NEDD1: variants seen among roughly 807,000 people sequenced by gnomAD.
NEDD1 encodes the protein protein NEDD1.
NEDD1 carries 33 observed loss-of-function variants against 74.0 expected under a neutral mutation model. The ratio of observed to expected loss-of-function variants is 0.45; its 90% confidence interval spans 0.34 to 0.60. The LOEUF (loss-of-function observed/expected upper bound fraction) is 0.60. Ranked by LOEUF, NEDD1 falls within the 20% of genes least tolerant of loss-of-function variation. The pLI is 0.01. For synonymous variants in NEDD1, 250 were observed against 264.4 expected (o/e 0.95, Z 0.53); for missense variants, 746 against 776.5 (o/e 0.96, Z 0.47).
intron 6 of NEDD1, among the ~76,000 whole-genome samples, chr12:96,921,450 G>A (rs1875081154): frequency 6.6e-6 from 1 of 152,102 alleles, no homozygotes; most frequent in African/African-American, 2.4e-5. Context: ...CAAAGTGTTA[G>A]GATTACAGGT....
At chr12:96,920,845 T>C (rs1450507495) in intron 6 of NEDD1, among the ~76,000 whole-genome samples, 1 of 152,206 alleles carries the variant, frequency 6.6e-6, no homozygotes, top group Non-Finnish European at 1.5e-5. Context: ...TTTTGGGAAG[T>C]AGTTTTTTTA....
intron 4 of NEDD1, among the ~76,000 whole-genome samples, chr12:96,917,061 A>G (rs1874540237): frequency 6.6e-6 from 1 of 152,118 alleles, no homozygotes; most frequent in Admixed American, 6.5e-5. Flanking sequence ...AGAGATGGGG[A>G]ACAGTTGAAG....
chr12:96,917,994 T>C (rs2136525345), intron 5 of NEDD1, among the ~76,000 whole-genome samples: 1 of 152,292 alleles, frequency 6.6e-6, no homozygotes, highest in East Asian at 1.9e-4. Context: ...TACTCTTATT[T>C]GAATGAACCA....
At chr12:96,943,869 C>A in intron 12 of NEDD1, 107 bp downstream of exon 12, 2 of 654,122 alleles carry the variant, frequency 3.1e-6, no homozygotes, top group Non-Finnish European at 5.3e-6. Context: ...TGCACTTATT[C>A]ATAAGTCTTG....
chr12:96,935,060 G>A lies in NEDD1; in HGVS notation c.574G>A (p.Val192Ile). Residue 192 changes from valine to isoleucine, a missense_variant, in exon 7 of 16, where the codon GTA becomes ATA. Around this residue, in one of 3 missense-constraint regions of NEDD1, gnomAD observed 706 missense variants for 706.7 expected, o/e 1.00. Coordinates refer to ENST00000266742, the MANE Select transcript of NEDD1 (RefSeq NM_152905.4). ...TAATGGAATAGTAACTCTCTGGGAT[G>A]TAAATAGTCAGAGTCCATACCATAA... ...SDNGIVTLWDVNSQSPYHNFD... is the reference protein window; with the variant it reads ...SDNGIVTLWDINSQSPYHNFD... 3 of 1,610,976 alleles carry A rather than the reference G, an allele frequency of 1.9e-6. No homozygotes were observed. The highest frequency in any genetic ancestry group is 2.2e-5 in the South Asian group (2 of 91,006).
chr12:96,928,547 C>G (rs970793920), intron 6 of NEDD1, among the ~76,000 whole-genome samples: 1 of 151,776 alleles, frequency 6.6e-6, no homozygotes, highest in African/African-American at 2.4e-5. Context: ...TTTTGAAACC[C>G]TTTTAAGTCA....
In NEDD1 at chr12:96,940,483, T is replaced by C. The variant is rs764013387; in HGVS notation, c.1192T>C (p.Phe398Leu). The C allele has an allele frequency of 1.2e-6, 2 of 1,606,682 alleles. No individual in the cohort carries two copies. Among genetic ancestry groups the C allele is most frequent in the South Asian group, 2.2e-5 (2 of 90,642 alleles). ...DSGKNQDFSS[F>L]DDTGKSSLGD... The stretch of plus-strand genomic sequence containing the variant: ...TGGAAAAAATCAGGATTTCTCCAGC[T>C]TTGATGATACTGGGAAAAGTAGTTT... The change falls in exon 10 of 16, where the codon TTT becomes CTT. Residue 398 changes from phenylalanine (F) to leucine (L), a missense_variant. Transcript: ENST00000266742.
intron 3 of NEDD1, among the ~76,000 whole-genome samples, chr12:96,910,610 G>A (rs1873819605): frequency 6.6e-6 from 1 of 152,064 alleles, no homozygotes; most frequent in Admixed American, 6.5e-5. Flanking sequence ...AATTTGTTGT[G>A]GACCTTTCCT....
rs920821804 is a variant in NEDD1, at chr12:96,943,633, A to G, written c.1368A>G (p.Val456=). Reference sequence around the variant, plus strand: ...ATCCAGTAACTTCAAGTACTTCAGTATTGCATTCTAGTCCTCTTAATGTTT... The same window carrying G: ...ATCCAGTAACTTCAAGTACTTCAGTGTTGCATTCTAGTCCTCTTAATGTTT... ...RKNPVTSSTS[V]LHSSPLNVFM... is the part of the protein sequence containing the mutation. The change falls in exon 12 of 16, where the codon GTA becomes GTG. Residue 456 remains valine (V), a synonymous_variant. Coordinates refer to ENST00000266742, the MANE Select transcript of NEDD1 (RefSeq NM_152905.4). 6.2e-7 allele frequency: 1 copy of G among 1,611,966 alleles called. No individual in the cohort carries two copies. The highest frequency in any genetic ancestry group is 1.3e-5 in the African/African-American group (1 of 74,888).
chr12:96,920,413 A>C (rs1874946454), intron 6 of NEDD1, among the ~76,000 whole-genome samples: 1 of 152,178 alleles, frequency 6.6e-6, no homozygotes, highest in Non-Finnish European at 1.5e-5. Flanking sequence ...AATGGATATT[A>C]ATCTTTCTAC....
In NEDD1 at chr12:96,952,260, C is replaced by T. The variant is rs1036519196; in HGVS notation, c.*207C>T. On this transcript the variant is annotated 3_prime_UTR_variant, in exon 16 of 16. Transcript: ENST00000266742. ...AAAAATTGTACAGTATGTCATCTACCCAATAGGAAAGTCAACAGGATCTTT... is the reference window on the plus strand; with the variant it reads ...AAAAATTGTACAGTATGTCATCTACTCAATAGGAAAGTCAACAGGATCTTT... 2 of 332,040 alleles carry T rather than the reference C, an allele frequency of 6.0e-6. No homozygotes were observed. The highest frequency in any genetic ancestry group is 1.1e-5 in the Non-Finnish European group (2 of 185,704). 20.6% of individuals were successfully genotyped at this position (332,040 alleles called of 1,614,324 possible). A position where few individuals can be genotyped will look rare whatever the true frequency, so the allele number is the denominator to read the frequency against.
At chr12:96,932,463 A>AAAAAAAAAAAATATAT in intron 6 of NEDD1, among the ~76,000 whole-genome samples, 2 of 9,438 alleles carry the variant, frequency 2.1e-4, no homozygotes, top group African/African-American at 3.4e-4. Context: ...AAAAAAAAAA[A>AAAAAAAAAAAATATAT]ATATATATAT....
At chr12:96,948,040 T>TC (rs1565815255) in intron 14 of NEDD1, among the ~76,000 whole-genome samples, 2 of 151,812 alleles carry the variant, frequency 1.3e-5, no homozygotes, top group South Asian at 4.2e-4. Flanking sequence ...GACTAGGTGT[T>TC]CATCTACACC....
intron 9 of NEDD1, among the ~76,000 whole-genome samples, chr12:96,938,932 C>G (rs1308722922): frequency 6.6e-6 from 1 of 151,980 alleles, no homozygotes; most frequent in Non-Finnish European, 1.5e-5. Context: ...TTAGGCAATT[C>G]TCTTAACCTT....
At chr12:96,923,635 C>G (rs1875350858) in intron 6 of NEDD1, among the ~76,000 whole-genome samples, 1 of 152,028 alleles carries the variant, frequency 6.6e-6, no homozygotes, top group Non-Finnish European at 1.5e-5. Context: ...AGTGACTGTT[C>G]AAGTCTGTTG....
chr12:96,943,513 CA>C (rs1445263355), intron 11 of NEDD1, 46 bp from the exon 12 acceptor site: 2 of 1,336,180 alleles, frequency 1.5e-6, no homozygotes, highest in Non-Finnish European at 2.1e-6. Flanking sequence ...CTTCAATGTC[CA>C]AAATTGGAGG....
At chr12:96,938,591 A>T (rs918653839) in intron 9 of NEDD1, among the ~76,000 whole-genome samples, 5 of 152,064 alleles carry the variant, frequency 3.3e-5, no homozygotes, top group African/African-American at 1.2e-4. Flanking sequence ...GTCATGGATT[A>T]ACGATAACTC....
chr12:96,907,686 A>G lies in NEDD1; in HGVS notation c.-179A>G. 4 of 1,550,598 alleles carry G rather than the reference A, an allele frequency of 2.6e-6. No individual in the cohort carries two copies. The highest frequency in any genetic ancestry group is 3.5e-6 in the Non-Finnish European group (4 of 1,146,190). On this transcript the variant is annotated 5_prime_UTR_variant, in exon 2 of 16. Coordinates refer to ENST00000266742, the MANE Select transcript of NEDD1 (RefSeq NM_152905.4). Reference sequence around the variant, plus strand: ...TGTATTTTTGGTGATTGAAAGTTGGAGAACTTTCATTTCAGCTGAGTGGTG... The same window carrying G: ...TGTATTTTTGGTGATTGAAAGTTGGGGAACTTTCATTTCAGCTGAGTGGTG...
At chr12:96,936,848 T>A in intron 8 of NEDD1, 36 bp downstream of exon 8, 6 of 1,263,474 alleles carry the variant, frequency 4.7e-6, no homozygotes, top group Non-Finnish European at 6.9e-6. Context: ...TTTATTTTAT[T>A]AAATAAATCT....
Sources: allele counts gnomAD v4.1 joint callset (sites outside exome capture counted in the v4.1 genomes callset), GRCh38; gene constraint gnomAD v4.1.1; regional missense constraint gnomAD v4.1.1; transcripts MANE v1.5; gene names NCBI Gene and HGNC (gene_info 2026-07-23, HGNC 2026-07-21).